GALNTL6: variants seen among roughly 807,000 people sequenced by gnomAD.
The protein encoded by GALNTL6 is polypeptide N-acetylgalactosaminyltransferase-like 6.
GALNTL6 carries 46 observed loss-of-function variants against 73.7 expected under a neutral mutation model. The ratio of observed to expected loss-of-function variants is 0.62; its 90% CI spans 0.49 to 0.80. The LOEUF (loss-of-function observed/expected upper bound fraction) is 0.80, where lower values mean the gene tolerates loss of function less well. GALNTL6 is among the 30% of genes least tolerant of loss of function. GALNTL6 has a pLI of 0.00. For synonymous variants in GALNTL6, 259 were observed against 263.7 expected, an observed-to-expected ratio of 0.98 and a Z score of 0.17; for missense variants, 604 against 755.0, an observed-to-expected ratio of 0.80 and a Z score of 2.34.
intron 10 of GALNTL6, among the ~76,000 whole-genome samples, chr4:172,987,408 C>A (rs1394974286): frequency 4.6e-5 from 7 of 152,130 alleles, no homozygotes; most frequent in Non-Finnish European, 1.0e-4. Flanking sequence ...AGGGTAACCA[C>A]CCCCATGATT....
intron 2 of GALNTL6, among the ~76,000 whole-genome samples, chr4:172,011,831 A>C (rs545863347): frequency 5.3e-5 from 8 of 152,108 alleles, no homozygotes; most frequent in Non-Finnish European, 1.2e-4. Context: ...TAAAAAACTA[A>C]ACCTTAGGGA....
At chr4:172,973,284 A>G (rs954752642) in intron 10 of GALNTL6, among the ~76,000 whole-genome samples, 2 of 152,240 alleles carry the variant, frequency 1.3e-5, no homozygotes, top group African/African-American at 4.8e-5. Context: ...ATATGATGCA[A>G]CGTGAAAGCA....
chr4:172,911,718 C>T (rs1299852578), intron 8 of GALNTL6, among the ~76,000 whole-genome samples: 1 of 152,214 alleles, frequency 6.6e-6, no homozygotes, highest in East Asian at 1.9e-4. Flanking sequence ...AATTACCCAA[C>T]AAAAGATACC....
At chr4:172,822,510 T>C (rs1741987887) in intron 7 of GALNTL6, among the ~76,000 whole-genome samples, 1 of 152,160 alleles carries the variant, frequency 6.6e-6, no homozygotes. Context: ...TACGGTGACT[T>C]TTGTTCTAAC....
chr4:172,990,477 A>G (rs991691957), intron 10 of GALNTL6, among the ~76,000 whole-genome samples: 9 of 152,182 alleles, frequency 5.9e-5, no homozygotes, highest in African/African-American at 2.2e-4. Context: ...GTCTTCTGTT[A>G]GTTCAGTTCA....
intron 5 of GALNTL6, among the ~76,000 whole-genome samples, chr4:172,573,076 A>T (rs999065264): frequency 2.6e-5 from 4 of 152,122 alleles, no homozygotes; most frequent in Non-Finnish European, 5.9e-5. Flanking sequence ...GTAAGTGTTT[A>T]CCCGGCTACA....
At position 172,497,261 on chromosome 4, in the gene GALNTL6, T is replaced by C. The variant is rs576416534; in HGVS notation, c.553+148572T>C. ...ATTCAATGAAGAGTAAATTAATGAA[T>C]AGTAATGGTTCGATTATAAGTTTCT... On this transcript the variant is annotated intron_variant, in intron 5 of 12. Coordinates refer to ENST00000506823, the MANE Select transcript of GALNTL6 (RefSeq NM_001034845.3). 3.0e-4 allele frequency among the ~76,000 whole-genome samples: 45 copies of C among 152,354 alleles called. 2 individuals are homozygous for C. Among genetic ancestry groups the C allele is most frequent in the South Asian group, 2.1e-3 (10 of 4,826 alleles).
intron 5 of GALNTL6, among the ~76,000 whole-genome samples, chr4:172,733,862 G>T (rs1184973102): frequency 1.3e-5 from 2 of 152,146 alleles, no homozygotes; most frequent in South Asian, 2.1e-4. Context: ...CAGGAGTGGG[G>T]TACTCCTATA....
At chr4:172,076,744 A>G (rs1218810025) in intron 2 of GALNTL6, among the ~76,000 whole-genome samples, 1 of 152,208 alleles carries the variant, frequency 6.6e-6, no homozygotes, top group Non-Finnish European at 1.5e-5. Flanking sequence ...GTATATTCCT[A>G]AAATCTCTAC....
chr4:172,417,370 A>G (rs992321947), intron 5 of GALNTL6, among the ~76,000 whole-genome samples: 3 of 152,256 alleles, frequency 2.0e-5, no homozygotes, highest in African/African-American at 7.2e-5. Context: ...ACCCTGGCTA[A>G]ATATCTTTTT....
chr4:172,103,249 T>C (rs1732572534), intron 2 of GALNTL6, among the ~76,000 whole-genome samples: 1 of 152,114 alleles, frequency 6.6e-6, no homozygotes, highest in African/African-American at 2.4e-5. Flanking sequence ...CACATAGGTT[T>C]TTAACCGGAA....
At chr4:171,968,024 G>A (rs28696751) in intron 2 of GALNTL6, among the ~76,000 whole-genome samples, 3,797 of 152,106 alleles carry the variant, frequency 0.025, 148 homozygotes, top group African/African-American at 0.087. Context: ...AGCCCGGTGC[G>A]ATCTTCTTAC....
At chr4:171,881,900 A>G (rs1401082421) in intron 2 of GALNTL6, among the ~76,000 whole-genome samples, 2 of 152,234 alleles carry the variant, frequency 1.3e-5, no homozygotes, top group Non-Finnish European at 2.9e-5. Flanking sequence ...ATCACATTCA[A>G]TGAGATCCAT....
intron 7 of GALNTL6, among the ~76,000 whole-genome samples, chr4:172,849,994 A>G (rs928620803): frequency 1.3e-5 from 2 of 152,182 alleles, no homozygotes; most frequent in Non-Finnish European, 2.9e-5. Context: ...TCCTCTTCAT[A>G]CTACGTGAGA....
intron 2 of GALNTL6, among the ~76,000 whole-genome samples, chr4:171,915,764 A>C (rs937922575): frequency 1.3e-5 from 2 of 152,092 alleles, no homozygotes; most frequent in African/African-American, 4.8e-5. Flanking sequence ...TCACAGCTGA[A>C]ATTTTAAGGG....
intron 2 of GALNTL6, among the ~76,000 whole-genome samples, chr4:172,150,526 T>C (rs1734052172): frequency 6.6e-6 from 1 of 152,224 alleles, no homozygotes. Context: ...AAGTGTTCTT[T>C]TAGCCAAGTC....
chr4:172,214,989 G>T (rs1247102850), intron 2 of GALNTL6, among the ~76,000 whole-genome samples: 1 of 151,764 alleles, frequency 6.6e-6, no homozygotes, highest in East Asian at 1.9e-4. Flanking sequence ...TTTTCATTTA[G>T]TTCAAATTTC....
chr4:171,967,447 G>GTTTTTTTTTGT (rs1560863069), intron 2 of GALNTL6, among the ~76,000 whole-genome samples: 6 of 14,322 alleles, frequency 4.2e-4, no homozygotes, highest in East Asian at 2.2e-3. Flanking sequence ...CCCCCTATGG[G>GTTTTTTTTTGT]TTTTTTTTTT....
intron 5 of GALNTL6, among the ~76,000 whole-genome samples, chr4:172,640,653 G>T (rs1423755716): frequency 6.6e-6 from 1 of 152,028 alleles, no homozygotes; most frequent in East Asian, 1.9e-4. Context: ...GTCACTCTAT[G>T]TGTCCAAATT....
Sources: allele counts gnomAD v4.1 joint callset (sites outside exome capture counted in the v4.1 genomes callset), GRCh38; gene constraint gnomAD v4.1.1; transcripts MANE v1.5; gene names NCBI Gene and HGNC (gene_info 2026-07-23, HGNC 2026-07-21).